MGST1: variants seen among roughly 807,000 people sequenced by gnomAD.
The protein encoded by MGST1 is microsomal glutathione S-transferase 1.
MGST1 carries 5 observed loss-of-function variants against 8.9 expected under a neutral mutation model. That is an observed-to-expected ratio of 0.56 (90% CI 0.29 to 1.19). The LOEUF (loss-of-function observed/expected upper bound fraction) is 1.19, where lower values mean the gene tolerates loss of function less well. MGST1 is among the 50% of genes most tolerant of loss of function. The pLI is 0.08. For missense variants in MGST1, 182 were observed against 187.4 expected (o/e 0.97, Z 0.17); for synonymous variants, 54 against 67.8 (o/e 0.80, Z 1.00).
At chr12:16,562,366 A>G (rs566079930) in intron 4 of MGST1, among the ~76,000 whole-genome samples, 2 of 152,334 alleles carry the variant, frequency 1.3e-5, no homozygotes, top group South Asian at 4.1e-4. Context: ...ATACTTGTGT[A>G]TATAACATCT....
chr12:16,538,068 T>A (rs1422990995), intron 4 of MGST1, among the ~76,000 whole-genome samples: 1 of 152,194 alleles, frequency 6.6e-6, no homozygotes, highest in East Asian at 1.9e-4. Context: ...AATGGAAAGC[T>A]TTTATCAGCA....
intron 1 of MGST1, among the ~76,000 whole-genome samples, chr12:16,420,727 C>T (rs768025700): frequency 2.6e-5 from 4 of 152,092 alleles, no homozygotes; most frequent in Non-Finnish European, 5.9e-5. Context: ...CGGGGGTGAT[C>T]TTGGGTGAGA....
At chr12:16,574,342 T>G (rs1194611673) in intron 4 of MGST1, among the ~76,000 whole-genome samples, 1 of 152,178 alleles carries the variant, frequency 6.6e-6, no homozygotes, top group African/African-American at 2.4e-5. Context: ...GGATAGTGAT[T>G]TAGACACCAC....
chr12:16,358,506 AC>A (rs1350605060), intron 3 of MGST1, among the ~76,000 whole-genome samples: 1 of 150,992 alleles, frequency 6.6e-6, no homozygotes, highest in African/African-American at 2.4e-5. Context: ...TCACTCTGTC[AC>A]CTAGGCTGGA....
At chr12:16,540,638 A>G (rs1409505332) in intron 4 of MGST1, among the ~76,000 whole-genome samples, 1 of 152,226 alleles carries the variant, frequency 6.6e-6, no homozygotes, top group African/African-American at 2.4e-5. Flanking sequence ...AAAATAAAAA[A>G]TTGTATTTGA....
intron 4 of MGST1, among the ~76,000 whole-genome samples, chr12:16,506,919 G>A (rs892849446): frequency 2.0e-5 from 3 of 152,210 alleles, no homozygotes; most frequent in African/African-American, 7.2e-5. Context: ...ACAAGATAGT[G>A]ATGCTGCTGA....
chr12:16,419,410 C>T (rs1450693837), intron 1 of MGST1, among the ~76,000 whole-genome samples: 3 of 151,994 alleles, frequency 2.0e-5, no homozygotes, highest in South Asian at 2.1e-4. Context: ...CTTTAGAAAC[C>T]GTGGTCTGTC....
intron 1 of MGST1, among the ~76,000 whole-genome samples, chr12:16,353,841 C>A (rs2136934242): frequency 6.8e-6 from 1 of 146,828 alleles, no homozygotes; most frequent in South Asian, 2.2e-4. Context: ...CTCATTGCAA[C>A]CTCCGCCTCC....
rs575082848 is a variant in MGST1 at position 16,428,139 on chromosome 12, G to T, written n.779-9249G>T. ...TGTCTTTAAGATGTCTTCAAATTTT[G>T]ATTTATTTTCATAAATGTCCCTTCA... On this transcript the variant is annotated intron_variant and non_coding_transcript_variant, in intron 1 of 1. Coordinates refer to the MGST1 transcript ENST00000359720. Among the ~76,000 whole-genome samples, 354 of 151,216 alleles carry T rather than the reference G, an allele frequency of 2.3e-3. 1 individual carries two copies. The highest frequency in any genetic ancestry group is 4.6e-3 in the Admixed American group (70 of 15,234).
chr12:16,377,322 G>T (rs1940398410), downstream of MGST1: 1 of 119,086 alleles, frequency 8.4e-6, no homozygotes, highest in African/African-American at 3.3e-5. Context: ...ACGGTCCCCA[G>T]TGTGTGATGT....
chr12:16,373,078 A>G (rs182548148), intron 3 of MGST1, among the ~76,000 whole-genome samples: 1 of 150,274 alleles, frequency 6.7e-6, no homozygotes, highest in South Asian at 2.1e-4. Flanking sequence ...ATTTGGCCAT[A>G]AAAAAAATTC....
chr12:16,484,765 G>A (rs1392343436), intron 4 of MGST1, among the ~76,000 whole-genome samples: 1 of 152,144 alleles, frequency 6.6e-6, no homozygotes, highest in Non-Finnish European at 1.5e-5. Flanking sequence ...CTCCCACCAG[G>A]CCTGTCCTCC....
rs1940659115 is a variant in MGST1 at position 16,401,911 on chromosome 12, T to C, written n.778+18307T>C. 1.9e-6 allele frequency: 3 copies of C among 1,606,446 alleles called. No homozygotes were observed. The highest frequency in any genetic ancestry group is 3.3e-5 in the Admixed American group (2 of 59,994). Reference sequence around the variant, plus strand: ...TCCCCATCCTCCCTTACAGCGACTGTATATGCCACAACTGCACTGATATCT... The same window carrying C: ...TCCCCATCCTCCCTTACAGCGACTGCATATGCCACAACTGCACTGATATCT... On this transcript the variant is annotated intron_variant and non_coding_transcript_variant, in intron 1 of 1. Transcript: ENST00000359720. The surrounding 1 kb of genome is among the most constrained non-coding windows in gnomAD (Gnocchi z 4.3).
Position 16,582,940 on chromosome 12 carries a change from A to T in MGST1, n.483-6588A>T, listed in dbSNP as rs1281933621. Reference sequence around the variant, plus strand: ...CATGCACCTGTAATCCCAGCTACTCAGGAGGCTAATGCAGGAAAATCTCTT... The same window carrying T: ...CATGCACCTGTAATCCCAGCTACTCTGGAGGCTAATGCAGGAAAATCTCTT... On this transcript the variant is annotated intron_variant and non_coding_transcript_variant, in intron 4 of 4. Coordinates refer to the MGST1 transcript ENST00000538857. This position sits in a 1 kb window ranked among gnomAD's most constrained non-coding sequence, Gnocchi z 4.1. 6.6e-6 allele frequency among the ~76,000 whole-genome samples: 1 copy of T among 151,368 alleles called. No individual in the cohort carries two copies. The highest frequency in any genetic ancestry group is 1.5e-5 in the Non-Finnish European group (1 of 67,900).
intron 4 of MGST1, among the ~76,000 whole-genome samples, chr12:16,492,809 C>T (rs996651235): frequency 1.2e-4 from 19 of 152,058 alleles, no homozygotes; most frequent in Admixed American, 1.2e-3. Flanking sequence ...ATTTTTCAGA[C>T]ATAATTTGGC....
rs150809053 is a variant in MGST1, at chr12:16,563,065, C to T, written n.483-26463C>T. ...CTTCTTCCACGCACTTTCCCTGCCT[C>T]GCTGGAGGCTCCATCAGTTTCCATC... is the stretch of plus-strand genomic sequence containing the variant. On this transcript the variant is annotated intron_variant and non_coding_transcript_variant, in intron 4 of 4. Coordinates refer to the MGST1 transcript ENST00000538857. Among the ~76,000 whole-genome samples, 11 of 151,938 alleles carry T rather than the reference C, an allele frequency of 7.2e-5. No individual in the cohort carries two copies. The East Asian group carries it at 2.0e-3, about 27-fold the overall frequency.
chr12:16,528,745 G>A (rs1200609382), intron 4 of MGST1, among the ~76,000 whole-genome samples: 8 of 151,954 alleles, frequency 5.3e-5, no homozygotes, highest in Admixed American at 5.3e-4. Flanking sequence ...CACTTAGCCT[G>A]GGAAGACTTC....
downstream of MGST1, among the ~76,000 whole-genome samples, chr12:16,379,579 G>A (rs1416574025): frequency 2.0e-5 from 3 of 152,204 alleles, no homozygotes; most frequent in Non-Finnish European, 2.9e-5. Flanking sequence ...TTGCATCAAT[G>A]TTCACCAAGG....
chr12:16,499,403 G>C (rs66484584), intron 4 of MGST1, among the ~76,000 whole-genome samples: 26,435 of 152,098 alleles, frequency 0.17, 2,531 homozygotes, highest in Non-Finnish European at 0.2. Context: ...CATTTTACCA[G>C]CACTGTGTGG....
Sources: gnomAD v4.1 joint callset for allele counts (sites outside exome capture counted in the v4.1 genomes callset) on GRCh38, gnomAD v4.1.1 for gene constraint, Gnocchi (gnomAD v3.1) non-coding constraint, MANE v1.5 for transcripts, NCBI Gene and HGNC (gene_info 2026-07-23, HGNC 2026-07-21) for gene names.